Variants in GPM6A observed in about 807,000 individuals in gnomAD.
GPM6A encodes the protein neuronal membrane glycoprotein M6-a.
In GPM6A, 7 loss-of-function variants were observed where a neutral mutation model predicts 32.1. The ratio of observed to expected loss-of-function variants is 0.22; its 90% CI spans 0.12 to 0.41. The LOEUF is 0.41. GPM6A is among the 10% of genes least tolerant of loss of function. The probability of loss-of-function intolerance (pLI) is 1.00; values close to 1 mark genes in which losing one functional copy is unlikely to be tolerated. For missense variants in GPM6A, 235 were observed against 347.2 expected, an observed-to-expected ratio of 0.68 and a Z score of 2.57; for synonymous variants, 130 against 123.4, an observed-to-expected ratio of 1.05 and a Z score of -0.35.
intron 1 of GPM6A, among the ~76,000 whole-genome samples, chr4:175,730,048 T>C (rs918085663): frequency 1.3e-5 from 2 of 151,370 alleles, no homozygotes; most frequent in Admixed American, 1.3e-4. Context: ...CTCAACTGGA[T>C]TTTCACATTG....
intron 2 of GPM6A, among the ~76,000 whole-genome samples, chr4:175,690,960 T>A (rs1287233243): frequency 1.3e-5 from 2 of 152,256 alleles, no homozygotes; most frequent in Non-Finnish European, 2.9e-5. Context: ...CATGTGCTAA[T>A]GTTACATTCC....
At chr4:175,738,528 C>A (rs531539828) in intron 1 of GPM6A, among the ~76,000 whole-genome samples, 1 of 151,864 alleles carries the variant, frequency 6.6e-6, no homozygotes, top group African/African-American at 2.4e-5. Context: ...CTCAACTCAT[C>A]CATATACTTC....
intron 1 of GPM6A, among the ~76,000 whole-genome samples, chr4:175,719,985 G>A (rs1005519382): frequency 5.9e-5 from 9 of 152,138 alleles, no homozygotes; most frequent in African/African-American, 1.7e-4. Context: ...GCATAAGCCT[G>A]TCATTTTGTT....
At chr4:175,813,522 G>A (rs1735007689), upstream of GPM6A, among the ~76,000 whole-genome samples, 4 of 151,454 alleles carry the variant, frequency 2.6e-5, 1 homozygote, top group South Asian at 8.4e-4. Context: ...ACACACACAG[G>A]GACAGAAACA....
At chr4:175,987,608 C>T (rs1741019013) in intron 1 of GPM6A, among the ~76,000 whole-genome samples, 1 of 151,306 alleles carries the variant, frequency 6.6e-6, no homozygotes, top group Admixed American at 6.6e-5. Context: ...AGCTATTTGA[C>T]TTATTTTCCC....
chr4:175,834,251 G>A (rs576911320), intron 1 of GPM6A, among the ~76,000 whole-genome samples: 3 of 152,274 alleles, frequency 2.0e-5, no homozygotes, highest in East Asian at 3.9e-4. Context: ...TTCTGGCTTC[G>A]AGCCTGGCAG....
chr4:175,735,667 C>G (rs1233388721), intron 1 of GPM6A, among the ~76,000 whole-genome samples: 1 of 151,592 alleles, frequency 6.6e-6, no homozygotes, highest in Non-Finnish European at 1.5e-5. Flanking sequence ...TCAAGTGATT[C>G]TCCGGCCTCA....
At chr4:175,901,986 A>G (rs922595035) in intron 1 of GPM6A, among the ~76,000 whole-genome samples, 8 of 152,042 alleles carry the variant, frequency 5.3e-5, no homozygotes, top group African/African-American at 1.7e-4. Context: ...CAATAACTCC[A>G]CTTTTAGATT....
chr4:175,754,674 A>G (rs1732461399), intron 1 of GPM6A, among the ~76,000 whole-genome samples: 1 of 152,178 alleles, frequency 6.6e-6, no homozygotes, highest in Non-Finnish European at 1.5e-5. Flanking sequence ...AATGATAGCC[A>G]AGGCCAGTAT....
chr4:175,970,823 T>C, intron 1 of GPM6A: 1 of 451,784 alleles, frequency 2.2e-6, no homozygotes, highest in South Asian at 1.6e-5. Flanking sequence ...ACTAAATTAC[T>C]AAGCTGTCAG....
chr4:175,691,685 G>T (rs1744307067), intron 2 of GPM6A, among the ~76,000 whole-genome samples: 1 of 152,144 alleles, frequency 6.6e-6, no homozygotes, highest in Admixed American at 6.6e-5. Context: ...TAGGAAGACT[G>T]AAGGGCCCCA....
At chr4:175,970,905 CT>C (rs11366469) in intron 1 of GPM6A, 82,188 of 455,722 alleles carry the variant, frequency 0.18, 9,969 homozygotes, top group African/African-American at 0.4. Flanking sequence ...CCGACAGACC[CT>C]TTTTTTTCCC....
chr4:175,721,374 G>A (rs1746125203), intron 1 of GPM6A, among the ~76,000 whole-genome samples: 1 of 151,692 alleles, frequency 6.6e-6, no homozygotes, highest in Non-Finnish European at 1.5e-5. Context: ...TATTCGGGAG[G>A]CTGAGGCAGG....
intron 1 of GPM6A, among the ~76,000 whole-genome samples, chr4:176,000,220 G>GT (rs1487253377): frequency 1.3e-5 from 2 of 152,216 alleles, no homozygotes; most frequent in East Asian, 1.9e-4. Context: ...GACTACGTAA[G>GT]TTTTTGGTGA....
At chr4:175,899,797 G>A (rs1048317392) in intron 1 of GPM6A, among the ~76,000 whole-genome samples, 25 of 151,958 alleles carry the variant, frequency 1.6e-4, no homozygotes, top group Admixed American at 1.6e-3. Flanking sequence ...AAATCTACAG[G>A]ACATTGATCT....
At chr4:175,935,673 C>A (rs1454303182) in intron 1 of GPM6A, among the ~76,000 whole-genome samples, 1 of 151,996 alleles carries the variant, frequency 6.6e-6, no homozygotes, top group Non-Finnish European at 1.5e-5. Context: ...GAATAAATAT[C>A]ATATTCCTGA....
chr4:175,894,824 A>G (rs558817779), intron 1 of GPM6A, among the ~76,000 whole-genome samples: 1 of 152,074 alleles, frequency 6.6e-6, no homozygotes, highest in Non-Finnish European at 1.5e-5. Flanking sequence ...ACATGACCCC[A>G]TTTTCTTATA....
intron 1 of GPM6A, among the ~76,000 whole-genome samples, chr4:175,929,662 T>C (rs191216280): frequency 6.6e-6 from 1 of 152,258 alleles, no homozygotes; most frequent in East Asian, 1.9e-4. Context: ...CTGTTATGAG[T>C]CAATGATTCC....
intron 1 of GPM6A, among the ~76,000 whole-genome samples, chr4:175,795,243 T>C (rs888900955): frequency 6.6e-6 from 1 of 152,150 alleles, no homozygotes; most frequent in Non-Finnish European, 1.5e-5. Flanking sequence ...CAACAGTCAG[T>C]TGATAAATTC....
Sources: allele counts gnomAD v4.1 joint callset (sites outside exome capture counted in the v4.1 genomes callset), GRCh38; gene constraint gnomAD v4.1.1; transcripts MANE v1.5; gene names NCBI Gene and HGNC (gene_info 2026-07-23, HGNC 2026-07-21).